Variants in VPS13B observed in about 807,000 individuals in gnomAD.
The protein encoded by VPS13B is vacuolar protein sorting 13 homolog B.
Under a neutral mutation model 426.4 loss-of-function variants are expected in VPS13B, and 285 were observed. That is an observed-to-expected ratio of 0.67 (90% CI 0.61 to 0.74). The LOEUF (loss-of-function observed/expected upper bound fraction) is 0.74. VPS13B is among the 30% of genes least tolerant of loss of function. The pLI, the probability that VPS13B is intolerant of heterozygous loss-of-function variation, is 0.00. For synonymous variants in VPS13B, 1,676 were observed against 1,676.4 expected (o/e 1.00, Z 0.01); for missense variants, 4,537 against 4,782.6 (o/e 0.95, Z 1.51).
At chr8:99,071,407 A>G (rs1425122897) in intron 3 of VPS13B, among the ~76,000 whole-genome samples, 1 of 152,138 alleles carries the variant, frequency 6.6e-6, no homozygotes, top group Non-Finnish European at 1.5e-5. Context: ...TTCCTGGATT[A>G]CCAGGCAGAG....
In VPS13B at chr8:99,720,885, C is replaced by G. The variant is rs1563881584; in HGVS notation, c.6888C>G (p.Val2296=). 3 of 1,613,656 alleles carry G rather than the reference C, an allele frequency of 1.9e-6. No individual in the cohort carries two copies. The highest frequency in any genetic ancestry group is 1.7e-4 in the Middle Eastern group (1 of 6,060). The part of the protein sequence containing the change: ...QDAESLKLPG[V]YEVLFYNETE... ...CAGAATCTTTGAAATTGCCTGGGGT[C>G]TATGAAGTCTTATTTTATAATGAAA... The change falls in exon 39 of 62, where the codon GTC becomes GTG. Residue 2296 remains valine (V), a synonymous_variant. Transcript: ENST00000357162.
At chr8:99,230,433 G>A (rs1378090994) in intron 17 of VPS13B, among the ~76,000 whole-genome samples, 6 of 152,088 alleles carry the variant, frequency 3.9e-5, no homozygotes, top group Non-Finnish European at 4.4e-5. Flanking sequence ...TCCTCCCATA[G>A]GAAATTTTAG....
At chr8:99,404,137 G>A (rs1815202540) in intron 21 of VPS13B, among the ~76,000 whole-genome samples, 1 of 152,150 alleles carries the variant, frequency 6.6e-6, no homozygotes, top group Non-Finnish European at 1.5e-5. Flanking sequence ...CCATTAATTT[G>A]AATTATCATA....
At chr8:99,111,370 AATT>A in intron 6 of VPS13B, 91 bp downstream of exon 6, 2 of 1,082,560 alleles carry the variant, frequency 1.8e-6, no homozygotes, top group East Asian at 5.1e-5. Flanking sequence ...CAAATGAAGA[AATT>A]AACCTTGTAA....
chr8:99,823,874 C>G lies in VPS13B; in HGVS notation c.9226C>G (p.Gln3076Glu), dbSNP rs201801811. The G allele has an allele frequency of 1.2e-6, 2 of 1,613,514 alleles. No homozygotes were observed. The highest frequency in any genetic ancestry group is 2.2e-5 in the South Asian group (2 of 91,074). Residue 3076 changes from glutamine (Q) to glutamate (E), a missense_variant, in exon 51 of 62, where the codon CAA becomes GAA. By Grantham distance (29) the Gln-to-Glu change is conservative (BLOSUM62 2). Coordinates refer to ENST00000357162, the MANE Select transcript of VPS13B (RefSeq NM_152564.5). ...TTCCTCCATGGTACAGCAAGGTATACAAATTATTCAGATTGAAGACAAGAC... is the reference window on the plus strand; with the variant it reads ...TTCCTCCATGGTACAGCAAGGTATAGAAATTATTCAGATTGAAGACAAGAC... ...CISSMVQQGI[Q>E]IIQIEDKTTI...
intron 17 of VPS13B, among the ~76,000 whole-genome samples, chr8:99,246,784 C>T (rs542465192): frequency 1.6e-4 from 24 of 150,872 alleles, no homozygotes; most frequent in South Asian, 1.5e-3. Context: ...GAGAATCACT[C>T]GAACCTAGGA....
intron 4 of VPS13B, 21 bp downstream of exon 4, chr8:99,096,453 TA>T (rs755489428): frequency 6.2e-7 from 1 of 1,613,590 alleles, no homozygotes; most frequent in South Asian, 1.1e-5. Context: ...ATGGGATCAA[TA>T]AAACCAAATT....
intron 19 of VPS13B, among the ~76,000 whole-genome samples, chr8:99,339,650 A>C (rs928527507): frequency 4.0e-5 from 6 of 151,328 alleles, no homozygotes; most frequent in African/African-American, 1.5e-4. Flanking sequence ...GACAGGCTTT[A>C]TTTAGGTCAC....
At chr8:99,306,933 A>G (rs554691534) in intron 19 of VPS13B, among the ~76,000 whole-genome samples, 1 of 152,238 alleles carries the variant, frequency 6.6e-6, no homozygotes, top group South Asian at 2.1e-4. Context: ...GCAGAGTTAG[A>G]TTTCAAGCTA....
chr8:99,754,888 C>T (rs1810562372), intron 39 of VPS13B, among the ~76,000 whole-genome samples: 1 of 152,138 alleles, frequency 6.6e-6, no homozygotes, highest in African/African-American at 2.4e-5. Context: ...CCCCAACCCC[C>T]ATGCCCCCAC....
At chr8:99,357,760 CTT>C (rs1321817348) in intron 19 of VPS13B, among the ~76,000 whole-genome samples, 1 of 152,228 alleles carries the variant, frequency 6.6e-6, no homozygotes, top group East Asian at 1.9e-4. Flanking sequence ...ATAAGAAGAT[CTT>C]TTAGGGTTGC....
intron 15 of VPS13B, among the ~76,000 whole-genome samples, chr8:99,162,751 A>G (rs977743975): frequency 1.3e-5 from 2 of 152,170 alleles, no homozygotes; most frequent in African/African-American, 2.4e-5. Context: ...GGACCCAAAG[A>G]GTGAGCAATA....
chr8:99,433,217 C>G (rs1431892195), intron 22 of VPS13B, among the ~76,000 whole-genome samples: 1 of 152,166 alleles, frequency 6.6e-6, no homozygotes, highest in African/African-American at 2.4e-5. Flanking sequence ...GGAGATAACA[C>G]CCCTGGGATT....
chr8:99,752,292 T>C (rs1810434558), intron 39 of VPS13B, among the ~76,000 whole-genome samples: 1 of 152,206 alleles, frequency 6.6e-6, no homozygotes, highest in Non-Finnish European at 1.5e-5. Flanking sequence ...TGGAGAACTA[T>C]TCCCTAGTAG....
At chr8:99,455,171 T>A (rs1203680037) in intron 23 of VPS13B, among the ~76,000 whole-genome samples, 6 of 152,190 alleles carry the variant, frequency 3.9e-5, no homozygotes, top group African/African-American at 1.4e-4. Context: ...GTGTAAAAAG[T>A]CATCAAAAAG....
In VPS13B at chr8:99,574,634, A is replaced by G. The variant is rs185821123; in HGVS notation, c.4950-1024A>G. ...TAATAATTTTAAATTTCAGGTAAAA[A>G]TATTCTGCTAAATAACTGATGAAAG... On this transcript the variant is annotated intron_variant, in intron 31 of 61. Coordinates refer to ENST00000357162, the MANE Select transcript of VPS13B (RefSeq NM_152564.5). Among the ~76,000 whole-genome samples the G allele has an allele frequency of 9.4e-4, 143 of 152,294 alleles. 1 individual carries two copies. The highest frequency in any genetic ancestry group is 2.9e-3 in the African/African-American group (120 of 41,566).
intron 30 of VPS13B, among the ~76,000 whole-genome samples, chr8:99,550,327 A>G (rs1361519233): frequency 6.6e-6 from 1 of 151,990 alleles, no homozygotes; most frequent in Non-Finnish European, 1.5e-5. Flanking sequence ...GTAATGTTAT[A>G]TTTGGTAGGA....
chr8:99,343,059 A>G (rs867973688), intron 19 of VPS13B, among the ~76,000 whole-genome samples: 5 of 151,142 alleles, frequency 3.3e-5, no homozygotes, highest in Middle Eastern at 6.9e-3. Context: ...TGAGAGACAC[A>G]AATGGCAAAT....
chr8:99,113,195 G>A (rs942876732), intron 6 of VPS13B, among the ~76,000 whole-genome samples: 5 of 151,774 alleles, frequency 3.3e-5, no homozygotes, highest in African/African-American at 1.2e-4. Flanking sequence ...AACTCCTGGG[G>A]TCAAGCGATC....
Sources: allele counts gnomAD v4.1 joint callset (sites outside exome capture counted in the v4.1 genomes callset), GRCh38; gene constraint gnomAD v4.1.1; transcripts MANE v1.5; gene names NCBI Gene and HGNC (gene_info 2026-07-23, HGNC 2026-07-21).